Variants in LRRTM4 observed in about 807,000 individuals in gnomAD.
The protein encoded by LRRTM4 is leucine-rich repeat transmembrane neuronal protein 4.
Under a neutral mutation model 47.6 loss-of-function variants are expected in LRRTM4, and 25 were observed. That is an observed-to-expected ratio of 0.53 (90% CI 0.38 to 0.73). The LOEUF (loss-of-function observed/expected upper bound fraction) is 0.73, where lower values mean the gene tolerates loss of function less well. LRRTM4 is among the 30% of genes least tolerant of loss of function. The pLI is 0.00. For synonymous variants in LRRTM4, 311 were observed against 269.5 expected, an observed-to-expected ratio of 1.15 and a Z score of -1.51; for missense variants, 638 against 713.4, an observed-to-expected ratio of 0.89 and a Z score of 1.20.
rs139152612 is a variant in LRRTM4 at position 77,497,378 on chromosome 2, A to G, written c.1551+20940T>C. On this transcript the variant is annotated intron_variant, in intron 3 of 3. Coordinates refer to ENST00000409884, the MANE Select transcript of LRRTM4 (RefSeq NM_001134745.3). ...CTCTGTTTTTTTTTAGTTTATCAAG[A>G]TAGAAGCTAAGGTCATGGATTGGAG... 5.3e-5 allele frequency among the ~76,000 whole-genome samples: 8 copies of G among 151,388 alleles called. No homozygotes were observed. The East Asian group carries it at 1.6e-3, about 29-fold the overall frequency.
intron 3 of LRRTM4, among the ~76,000 whole-genome samples, chr2:77,177,432 T>C (rs1673229784): frequency 1.3e-5 from 2 of 152,182 alleles, no homozygotes; most frequent in South Asian, 4.1e-4. Flanking sequence ...AGGGAATCCA[T>C]GGATATGTTT....
At chr2:77,515,310 A>G (rs1001516485) in intron 3 of LRRTM4, among the ~76,000 whole-genome samples, 1 of 151,874 alleles carries the variant, frequency 6.6e-6, no homozygotes, top group Middle Eastern at 3.2e-3. Context: ...CTTGCAAAAC[A>G]TAGAGAAAAT....
intron 3 of LRRTM4, among the ~76,000 whole-genome samples, chr2:76,892,536 G>A (rs564994528): frequency 7.7e-4 from 117 of 151,774 alleles, no homozygotes; most frequent in African/African-American, 2.7e-3. Flanking sequence ...ACTTATTTAA[G>A]TGTAAACTGC....
intron 3 of LRRTM4, among the ~76,000 whole-genome samples, chr2:77,306,369 T>C (rs1480730708): frequency 2.6e-5 from 4 of 152,194 alleles, no homozygotes; most frequent in Non-Finnish European, 5.9e-5. Flanking sequence ...TGTAACCTCC[T>C]TGCAATAGCT....
chr2:77,003,289 T>C (rs1677504980), intron 3 of LRRTM4, among the ~76,000 whole-genome samples: 1 of 152,032 alleles, frequency 6.6e-6, no homozygotes, highest in Non-Finnish European at 1.5e-5. Context: ...TTTTCATTAT[T>C]ATTATAATAA....
At chr2:77,474,817 A>G (rs1381450692) in intron 3 of LRRTM4, among the ~76,000 whole-genome samples, 1 of 152,104 alleles carries the variant, frequency 6.6e-6, no homozygotes, top group Non-Finnish European at 1.5e-5. Flanking sequence ...TATTGTGCTC[A>G]TTACAAATAA....
At chr2:77,479,734 C>T (rs1446805894) in intron 3 of LRRTM4, among the ~76,000 whole-genome samples, 1 of 151,496 alleles carries the variant, frequency 6.6e-6, no homozygotes. Context: ...CTCTCCATCT[C>T]TCTCTTTCTC....
intron 3 of LRRTM4, among the ~76,000 whole-genome samples, chr2:77,462,707 G>T (rs899563681): frequency 6.6e-6 from 1 of 152,044 alleles, no homozygotes; most frequent in Non-Finnish European, 1.5e-5. Flanking sequence ...ATACTCCCAA[G>T]CAAAGGCTTT....
At chr2:76,975,347 A>G (rs1349809283) in intron 3 of LRRTM4, among the ~76,000 whole-genome samples, 1 of 151,784 alleles carries the variant, frequency 6.6e-6, no homozygotes. Flanking sequence ...ATGGATTTGA[A>G]AACAAAATCT....
chr2:77,197,074 T>C (rs2103891400), intron 3 of LRRTM4, among the ~76,000 whole-genome samples: 1 of 152,310 alleles, frequency 6.6e-6, no homozygotes, highest in Admixed American at 6.5e-5. Flanking sequence ...GACTCATCTA[T>C]TTTAAATTAC....
intron 3 of LRRTM4, among the ~76,000 whole-genome samples, chr2:77,326,698 A>G (rs1670789111): frequency 6.6e-6 from 1 of 152,254 alleles, no homozygotes; most frequent in African/African-American, 2.4e-5. Context: ...ACTCTGCCTC[A>G]CCTATAACTC....
chr2:76,858,289 C>A lies in LRRTM4; in HGVS notation c.1552-109373G>T, dbSNP rs574317025. On this transcript the variant is annotated intron_variant, in intron 3 of 3. Transcript: ENST00000409884. ...ACGCCTGAAAAAACAAAAAGGCTGA[C>A]CCTCCCACAAGTAAGGGAGCATTTC... Among the ~76,000 whole-genome samples the A allele has an allele frequency of 3.3e-5, 5 of 152,296 alleles. No individual in the cohort carries two copies. The East Asian group carries it at 9.7e-4, about 29-fold the overall frequency.
intron 3 of LRRTM4, among the ~76,000 whole-genome samples, chr2:77,172,696 G>C (rs959886430): frequency 3.3e-5 from 5 of 150,628 alleles, no homozygotes; most frequent in Non-Finnish European, 7.4e-5. Flanking sequence ...ATGAAAATAT[G>C]CTTACTCTCT....
At chr2:76,840,159 CA>C (rs1204210100) in intron 3 of LRRTM4, among the ~76,000 whole-genome samples, 5 of 152,102 alleles carry the variant, frequency 3.3e-5, no homozygotes, top group African/African-American at 9.7e-5. Context: ...AACGTGAAGA[CA>C]GGGGGAGGGG....
intron 3 of LRRTM4, among the ~76,000 whole-genome samples, chr2:76,908,830 A>C (rs975000644): frequency 3.3e-5 from 5 of 152,096 alleles, no homozygotes; most frequent in Admixed American, 1.3e-4. Context: ...ACCACTGCTC[A>C]AGGAAATAAA....
At chr2:77,286,872 G>C (rs1676678449) in intron 3 of LRRTM4, among the ~76,000 whole-genome samples, 1 of 152,018 alleles carries the variant, frequency 6.6e-6, no homozygotes, top group Admixed American at 6.6e-5. Flanking sequence ...GACTGTCTTA[G>C]ATTTGGTTTA....
chr2:77,296,155 G>A (rs541123869), intron 3 of LRRTM4, among the ~76,000 whole-genome samples: 129 of 152,100 alleles, frequency 8.5e-4, no homozygotes, highest in Non-Finnish European at 1.6e-3. Context: ...ATTTCAACCT[G>A]AAAATACATG....
intron 3 of LRRTM4, among the ~76,000 whole-genome samples, chr2:77,325,516 G>T (rs974170028): frequency 6.6e-6 from 1 of 152,116 alleles, no homozygotes; most frequent in Admixed American, 6.6e-5. Flanking sequence ...TAAAGGCAGC[G>T]TGGGAATGGG....
rs538051658 is a variant in LRRTM4 at position 77,316,541 on chromosome 2, T to A, written c.1551+201777A>T. On this transcript the variant is annotated intron_variant, in intron 3 of 3. Transcript: ENST00000409884. ...CAGGGCTGAAAATATAATGGGAATA[T>A]AAATTGCTATCTTTTTTTTTTTTTG... 3.4e-5 allele frequency among the ~76,000 whole-genome samples: 5 copies of A among 146,458 alleles called. No individual in the cohort carries two copies. The East Asian group carries it at 1.1e-3, about 31-fold the overall frequency.
Sources: gnomAD v4.1 joint callset for allele counts (sites outside exome capture counted in the v4.1 genomes callset) on GRCh38, gnomAD v4.1.1 for gene constraint, MANE v1.5 for transcripts, NCBI Gene and HGNC (gene_info 2026-07-23, HGNC 2026-07-21) for gene names.